GALK2: variants seen among roughly 807,000 people sequenced by gnomAD.
GALK2 encodes the protein N-acetylgalactosamine kinase.
A neutral mutation model predicts 52.4 loss-of-function variants in GALK2; 36 were observed. That is an observed-to-expected ratio of 0.69 (90% CI 0.53 to 0.91). GALK2 has a LOEUF of 0.91. Among genes scored for constraint, GALK2 ranks in the 40% least tolerant of loss-of-function variants. GALK2 has a pLI of 0.00. For missense variants in GALK2, 579 were observed against 559.1 expected (o/e 1.04, Z -0.36); for synonymous variants, 176 against 199.1 (o/e 0.88, Z 0.98).
Position 49,164,854 on chromosome 15 carries a change from A to G in GALK2, c.20+8838A>G, listed in dbSNP as rs72727231. On this transcript the variant is annotated intron_variant, in intron 1 of 9. Transcript: ENST00000327171. ...ATATAGTTTTAAATTGGGGCAATTT[A>G]TCTGTAGTTTGGTCAGGCTAATGTA... Among the ~76,000 whole-genome samples, 814 of 150,620 alleles carry G rather than the reference A, an allele frequency of 5.4e-3. 3 individuals are homozygous for G. The highest frequency in any genetic ancestry group is 0.01 in the Non-Finnish European group (679 of 67,572).
At chr15:49,217,425 G>T in intron 3 of GALK2, 112 bp downstream of exon 3, 3 of 1,061,984 alleles carry the variant, frequency 2.8e-6, no homozygotes, top group Admixed American at 2.5e-5. Context: ...TTGATATTTT[G>T]TGTCTGACAT....
At chr15:49,155,792 G>A in exon 1 of GALK2, 2 of 680,890 alleles carry the variant, frequency 2.9e-6, no homozygotes, top group East Asian at 5.4e-5. Context: ...TGGTGCCTTA[G>A]CAACTAAAGC....
intron 8 of GALK2, among the ~76,000 whole-genome samples, chr15:49,308,048 A>G (rs2035687772): frequency 6.6e-6 from 1 of 152,212 alleles, no homozygotes; most frequent in African/African-American, 2.4e-5. Context: ...AAAAAATATT[A>G]TCACTAGGAA....
chr15:49,256,620 A>G (rs1298833136), intron 5 of GALK2, among the ~76,000 whole-genome samples: 1 of 152,186 alleles, frequency 6.6e-6, no homozygotes, highest in Non-Finnish European at 1.5e-5. Context: ...ACTCAGTACC[A>G]TCCGTGTCAA....
chr15:49,333,356 T>A (rs1038101562), downstream of GALK2, among the ~76,000 whole-genome samples: 1 of 152,198 alleles, frequency 6.6e-6, no homozygotes, highest in African/African-American at 2.4e-5. Context: ...CACGTGAGAT[T>A]TATATATCCA....
intron 8 of GALK2, among the ~76,000 whole-genome samples, chr15:49,303,248 C>T (rs2035264724): frequency 6.6e-6 from 1 of 152,156 alleles, no homozygotes; most frequent in African/African-American, 2.4e-5. Flanking sequence ...CATTGGTTCA[C>T]CTTCCCCCTT....
chr15:49,166,131 G>A (rs1305112664), upstream of GALK2, among the ~76,000 whole-genome samples: 1 of 152,086 alleles, frequency 6.6e-6, no homozygotes, highest in Non-Finnish European at 1.5e-5. Flanking sequence ...TGACGCTGAT[G>A]CTGCTGTTCT....
chr15:49,240,223 G>A (rs2091024817), intron 5 of GALK2, among the ~76,000 whole-genome samples: 1 of 152,170 alleles, frequency 6.6e-6, no homozygotes, highest in Non-Finnish European at 1.5e-5. Flanking sequence ...CTGGTTGGGA[G>A]GGAAAGGGGG....
chr15:49,271,203 G>A (rs2030531836), intron 5 of GALK2, among the ~76,000 whole-genome samples: 2 of 152,208 alleles, frequency 1.3e-5, no homozygotes, highest in African/African-American at 4.8e-5. Context: ...CTGGTATTTA[G>A]TAGCTGTGAC....
intron 2 of GALK2, among the ~76,000 whole-genome samples, chr15:49,213,047 G>A (rs1401029795): frequency 6.6e-6 from 1 of 152,044 alleles, no homozygotes; most frequent in East Asian, 1.9e-4. Flanking sequence ...TTTCTTTGTT[G>A]ATTTTCTCCC....
intron 8 of GALK2, chr15:49,318,916 G>A: frequency 2.2e-6 from 1 of 451,702 alleles, no homozygotes; most frequent in East Asian, 7.0e-5. Flanking sequence ...CCTCAGTGCT[G>A]TGATGAGAAC....
In GALK2 at chr15:49,292,410, A is replaced by T; in HGVS notation, c.840A>T (p.Glu280Asp). 2 of 1,614,068 alleles carry T rather than the reference A, an allele frequency of 1.2e-6. No individual in the cohort carries two copies. Among genetic ancestry groups the T allele is most frequent in the Non-Finnish European group, 1.7e-6 (2 of 1,179,950 alleles). ...EVQAKLGISLEEMLLVTEDAL... is the reference protein window; with the variant it reads ...EVQAKLGISLDEMLLVTEDAL... ...AGGCTAAACTAGGGATTAGTCTAGA[A>T]GAAATGCTGTTGGTCACAGAAGATG... The change falls in exon 8 of 10, where the codon GAA (glutamate) becomes GAT (aspartate). Residue 280 changes from glutamate (E) to aspartate (D), a missense_variant. Glu to Asp is a conservative substitution (Grantham distance 45). Coordinates refer to ENST00000560031, the MANE Select transcript of GALK2 (RefSeq NM_002044.4).
At chr15:49,311,955 T>C (rs1276038058) in intron 8 of GALK2, among the ~76,000 whole-genome samples, 1 of 152,162 alleles carries the variant, frequency 6.6e-6, no homozygotes, top group Non-Finnish European at 1.5e-5. Flanking sequence ...CCCTGAGAGA[T>C]TGGGCCGGGG....
intron 3 of GALK2, among the ~76,000 whole-genome samples, chr15:49,360,430 C>G (rs540747332): frequency 1.2e-4 from 18 of 152,228 alleles, no homozygotes; most frequent in Non-Finnish European, 2.1e-4. Context: ...CCCATACAGA[C>G]TACACCAACA....
chr15:49,259,706 T>A, intron 5 of GALK2, among the ~76,000 whole-genome samples: 1 of 148,186 alleles, frequency 6.7e-6, no homozygotes, highest in Admixed American at 6.8e-5. Context: ...ATTAGGTATA[T>A]CTCCCAATGC....
chr15:49,264,474 A>T (rs2092277326), intron 5 of GALK2, among the ~76,000 whole-genome samples: 1 of 152,094 alleles, frequency 6.6e-6, no homozygotes, highest in South Asian at 2.1e-4. Flanking sequence ...CATTCGTCTA[A>T]ATTTTTTTCA....
At chr15:49,320,664 C>T (rs1312336163) in intron 9 of GALK2, among the ~76,000 whole-genome samples, 1 of 152,224 alleles carries the variant, frequency 6.6e-6, no homozygotes, top group East Asian at 1.9e-4. Flanking sequence ...AACCAAGTAA[C>T]TCCAGTGATC....
At chr15:49,168,376 T>A (rs190497896), upstream of GALK2, among the ~76,000 whole-genome samples, 1 of 152,158 alleles carries the variant, frequency 6.6e-6, no homozygotes, top group Non-Finnish European at 1.5e-5. Flanking sequence ...CTTTAAAATT[T>A]GTTATTTTTC....
intron 3 of GALK2, among the ~76,000 whole-genome samples, chr15:49,356,985 C>G (rs942433420): frequency 4.6e-5 from 7 of 150,688 alleles, no homozygotes; most frequent in Admixed American, 3.3e-4. Flanking sequence ...TGAATGACTA[C>G]TGGGTACATA....
Sources: allele counts gnomAD v4.1 joint callset (sites outside exome capture counted in the v4.1 genomes callset), GRCh38; gene constraint gnomAD v4.1.1; transcripts MANE v1.5; gene names NCBI Gene and HGNC (gene_info 2026-07-23, HGNC 2026-07-21).